The following CSF1R variants were observed in gnomAD, a reference collection of about 807,000 sequenced individuals.
CSF1R encodes the protein colony stimulating factor 1 receptor, also known as macrophage colony-stimulating factor 1 receptor.
CSF1R carries 40 observed loss-of-function variants against 110.0 expected under a neutral mutation model. The observed-to-expected ratio is 0.36, with a 90% CI of 0.28 to 0.47. The LOEUF (loss-of-function observed/expected upper bound fraction) is 0.47, where lower values mean the gene tolerates loss of function less well. CSF1R is among the 20% of genes least tolerant of loss of function. CSF1R has a pLI of 0.99. For missense variants in CSF1R, 1,052 were observed against 1,253.0 expected, an observed-to-expected ratio of 0.84 and a Z score of 2.42; for synonymous variants, 523 against 503.4, an observed-to-expected ratio of 1.04 and a Z score of -0.52.
At chr5:150,108,566 A>G (rs1044098688) in intron 1 of CSF1R, among the ~76,000 whole-genome samples, 1 of 152,224 alleles carries the variant, frequency 6.6e-6, no homozygotes, top group African/African-American at 2.4e-5. Context: ...CTTCAGGAAG[A>G]TCAAGAATGA....
chr5:150,069,842 G>A (rs770274003), intron 9 of CSF1R, 31 bp downstream of exon 9: 3 of 1,288,338 alleles, frequency 2.3e-6, no homozygotes, highest in South Asian at 1.3e-5. Flanking sequence ...GCGGGCGGGG[G>A]GGCGGTGCGG....
chr5:150,088,529 T>C (rs535139066), upstream of CSF1R, among the ~76,000 whole-genome samples: 364 of 152,046 alleles, frequency 2.4e-3, 4 homozygotes, highest in Middle Eastern at 0.061. Context: ...CTTTTTTTTT[T>C]TTTCTTTCTT....
Position 150,080,208 on chromosome 5 carries a change from G to A in CSF1R, c.436C>T (p.Arg146Trp), listed in dbSNP as rs2113831182. 5.0e-6 allele frequency: 8 copies of A among 1,613,708 alleles called. No individual in the cohort carries two copies. The highest frequency in any genetic ancestry group is 6.8e-6 in the Non-Finnish European group (8 of 1,180,040). ...AGVSLVRVRG[R>W]PLMRHTNYSF... ...TAGTTGGTGTGGCGCATGAGGGGCC[G>A]GCCACGCACACGCACCAGCGAGACG... Residue 146 changes from arginine to tryptophan, a missense_variant, in exon 3 of 21, where the codon CGG (arginine) becomes TGG (tryptophan). Arg to Trp is a moderately radical substitution (Grantham distance 101). Coordinates refer to ENST00000675795, the MANE Select transcript of CSF1R (RefSeq NM_001288705.3).
chr5:150,102,293 T>C (rs1581349909), intron 1 of CSF1R, among the ~76,000 whole-genome samples: 2 of 152,222 alleles, frequency 1.3e-5, no homozygotes, highest in African/African-American at 2.4e-5. Context: ...CTTGCTGACA[T>C]GGGATATCAC....
At chr5:150,076,874 G>C (rs1758287593) in intron 5 of CSF1R, 1 of 256,452 alleles carries the variant, frequency 3.9e-6, no homozygotes, top group Non-Finnish European at 7.7e-6. Flanking sequence ...AGCCTGGGTT[G>C]GGGGGACTCT....
At chr5:150,087,899 C>T (rs988499516), upstream of CSF1R, among the ~76,000 whole-genome samples, 1 of 152,014 alleles carries the variant, frequency 6.6e-6, no homozygotes, top group Non-Finnish European at 1.5e-5. Flanking sequence ...CCATTCCTAG[C>T]AAATTTCTGT....
At chr5:150,100,289 CCT>C (rs1491358547) in intron 1 of CSF1R, among the ~76,000 whole-genome samples, 1 of 108,480 alleles carries the variant, frequency 9.2e-6, no homozygotes, top group Non-Finnish European at 1.9e-5. Context: ...CATTGGCTAA[CCT>C]TTTTTTTTTT....
intron 1 of CSF1R, among the ~76,000 whole-genome samples, chr5:150,104,030 A>AG (rs758591638): frequency 6.6e-6 from 1 of 151,944 alleles, no homozygotes; most frequent in Non-Finnish European, 1.5e-5. Context: ...TAGGGGTGGG[A>AG]GGGGGGTACC....
intron 13 of CSF1R, among the ~76,000 whole-genome samples, chr5:150,060,355 A>C (rs558043697): frequency 1.3e-3 from 202 of 151,910 alleles, no homozygotes; most frequent in African/African-American, 4.7e-3. Flanking sequence ...AATGAAAAAA[A>C]AAAGACAACC....
chr5:150,081,138 A>ATGG, intron 1 of CSF1R, 114 bp from the exon 2 acceptor site: 2 of 1,195,186 alleles, frequency 1.7e-6, no homozygotes, highest in Non-Finnish European at 2.4e-6. Context: ...CCATCAAGGG[A>ATGG]CCACCTTGAA....
intron 5 of CSF1R, among the ~76,000 whole-genome samples, chr5:150,076,060 G>T (rs1758245951): frequency 6.6e-6 from 1 of 152,230 alleles, no homozygotes; most frequent in African/African-American, 2.4e-5. Flanking sequence ...CTGCTGCCTT[G>T]CTTCAGGGTC....
chr5:150,100,473 A>C (rs571315803), intron 1 of CSF1R, among the ~76,000 whole-genome samples: 12 of 151,754 alleles, frequency 7.9e-5, no homozygotes, highest in African/African-American at 2.7e-4. Flanking sequence ...AATTTCTTGT[A>C]TTTTTAGTGG....
chr5:150,084,477 G>A (rs944605099), intron 1 of CSF1R, among the ~76,000 whole-genome samples: 1 of 148,840 alleles, frequency 6.7e-6, no homozygotes, highest in Non-Finnish European at 1.5e-5. Context: ...GAAGGAGATG[G>A]AGTCTTGCTC....
chr5:150,058,223 G>A (rs1380796632), intron 14 of CSF1R: 1 of 456,140 alleles, frequency 2.2e-6, no homozygotes, highest in African/African-American at 2.0e-5. Flanking sequence ...CAGCAGGCCT[G>A]GGTGGATGGG....
chr5:150,086,592 C>T, upstream of CSF1R: 1 of 584,420 alleles, frequency 1.7e-6, no homozygotes, highest in South Asian at 2.6e-5. Context: ...GGCTGATCCT[C>T]TTCTTCCCCT....
At chr5:150,082,975 C>T (rs1279527927) in intron 1 of CSF1R, among the ~76,000 whole-genome samples, 1 of 152,172 alleles carries the variant, frequency 6.6e-6, no homozygotes, top group African/African-American at 2.4e-5. Flanking sequence ...CTTCCCCCAG[C>T]CTGTCTCTCT....
At chr5:150,095,779 A>C (rs1759204985) in intron 1 of CSF1R, among the ~76,000 whole-genome samples, 3 of 135,650 alleles carry the variant, frequency 2.2e-5, no homozygotes, top group African/African-American at 2.8e-5. Flanking sequence ...AAAAAAAAAA[A>C]CAAGAAAAAC....
Position 150,053,421 on chromosome 5 carries a change from G to A in CSF1R, c.*648C>T. On this transcript the variant is annotated 3_prime_UTR_variant, in exon 21 of 21. Transcript: ENST00000675795. ...GGCCAGCCACATGCCAAGGTCCCCT[G>A]CCTTCTAGCCCAGAATGACGGGACT... 1 of 234,490 alleles carries A rather than the reference G, an allele frequency of 4.3e-6. No individual in the cohort carries two copies. Among genetic ancestry groups the A allele is most frequent in the Non-Finnish European group, 8.4e-6 (1 of 118,610 alleles). 14.5% of individuals were successfully genotyped at this position (234,490 alleles called of 1,614,324 possible).
At position 150,061,564 on chromosome 5, in the gene CSF1R, C is replaced by T. The variant is rs940722632; in HGVS notation, c.1785G>A (p.Lys595=). Residue 595 remains lysine (K), a synonymous_variant, in exon 12 of 21, where the codon AAG becomes AAA. Coordinates refer to ENST00000675795, the MANE Select transcript of CSF1R (RefSeq NM_001288705.3). ...GKTLGAGAFG[K]VVEATAFGLG... is the part of the protein sequence containing the mutation. ...GACCAAAGGCCGTGGCCTCCACCAC[C>T]TTCCCAAAGGCTCCAGCTCCGAGGG... is the stretch of plus-strand genomic sequence containing the variant. The T allele has an allele frequency of 6.2e-7, 1 of 1,613,862 alleles. No individual in the cohort carries two copies. Among genetic ancestry groups the T allele is most frequent in the African/African-American group, 1.3e-5 (1 of 74,874 alleles).
Sources: allele counts gnomAD v4.1 joint callset (sites outside exome capture counted in the v4.1 genomes callset), GRCh38; gene constraint gnomAD v4.1.1; transcripts MANE v1.5; gene names NCBI Gene and HGNC (gene_info 2026-07-23, HGNC 2026-07-21).